GLIS3: variants seen among roughly 807,000 people sequenced by gnomAD.
GLIS3 encodes GLIS family zinc finger 3, also known as zinc finger protein GLIS3.
Under a neutral mutation model 78.6 loss-of-function variants are expected in GLIS3, and 53 were observed. That is an observed-to-expected ratio of 0.67 (90% CI 0.54 to 0.85). The LOEUF (loss-of-function observed/expected upper bound fraction) is 0.85. GLIS3 is among the 40% of genes least tolerant of loss of function. The pLI, the probability that GLIS3 is intolerant of heterozygous loss-of-function variation, is 0.00. For missense variants in GLIS3, 1,703 were observed against 1,231.1 expected (o/e 1.38, Z -5.74); for synonymous variants, 684 against 509.9 (o/e 1.34, Z -4.60).
chr9:4,034,094 TG>T (rs1436741961), intron 4 of GLIS3, among the ~76,000 whole-genome samples: 1 of 151,846 alleles, frequency 6.6e-6, no homozygotes, highest in Non-Finnish European at 1.5e-5. Context: ...CTGGGCATGG[TG>T]GTGCATGTCT....
chr9:4,274,548 T>A (rs536970773), intron 2 of GLIS3, among the ~76,000 whole-genome samples: 1 of 152,234 alleles, frequency 6.6e-6, no homozygotes, highest in East Asian at 1.9e-4. Flanking sequence ...GCAATGAATA[T>A]TGGGTGGAAG....
At chr9:4,180,316 C>A (rs1345339160) in intron 2 of GLIS3, among the ~76,000 whole-genome samples, 2 of 152,162 alleles carry the variant, frequency 1.3e-5, no homozygotes, top group Non-Finnish European at 2.9e-5. Flanking sequence ...ATTCTTCCAA[C>A]CCTGCTCACC....
chr9:4,462,282 A>G, the GLIS3 span, among the ~76,000 whole-genome samples: 4 of 152,196 alleles, frequency 2.6e-5, no homozygotes, highest in African/African-American at 9.7e-5. Context: ...GAAATTAGGA[A>G]TAAGTGTGTA....
intron 2 of GLIS3, among the ~76,000 whole-genome samples, chr9:4,201,070 A>G (rs1819346963): frequency 6.6e-6 from 1 of 152,214 alleles, no homozygotes; most frequent in Non-Finnish European, 1.5e-5. Context: ...CATAAACAGA[A>G]TTAAAAACAA....
intron 2 of GLIS3, among the ~76,000 whole-genome samples, chr9:4,201,159 A>G (rs969721111): frequency 1.3e-5 from 2 of 152,182 alleles, no homozygotes; most frequent in Admixed American, 1.3e-4. Context: ...AAACCTCAAG[A>G]AACTAGGCAT....
intron 9 of GLIS3, among the ~76,000 whole-genome samples, chr9:3,837,986 G>C (rs1470690768): frequency 6.6e-6 from 1 of 150,418 alleles, no homozygotes; most frequent in African/African-American, 2.5e-5. Context: ...GGGAGAGATT[G>C]TGTGTGGAGG....
chr9:4,047,823 CCTCT>C (rs1408787573), intron 4 of GLIS3, among the ~76,000 whole-genome samples: 1 of 152,146 alleles, frequency 6.6e-6, no homozygotes, highest in Admixed American at 6.5e-5. Flanking sequence ...ACATTCCTGA[CCTCT>C]CTGTCTGCTT....
At chr9:4,081,030 C>G (rs76316740) in intron 4 of GLIS3, among the ~76,000 whole-genome samples, 1,574 of 152,260 alleles carry the variant, frequency 0.01, 25 homozygotes, top group African/African-American at 0.034. Context: ...CCAGTCTTGC[C>G]TGGCTTGTCC....
intron 2 of GLIS3, among the ~76,000 whole-genome samples, chr9:4,244,550 G>C (rs1428053156): frequency 3.3e-5 from 5 of 152,118 alleles, no homozygotes; most frequent in African/African-American, 1.2e-4. Flanking sequence ...ATGTGAGGTA[G>C]ATATCTGTTA....
chr9:4,246,437 GAT>G (rs1013142353), intron 2 of GLIS3, among the ~76,000 whole-genome samples: 7 of 152,272 alleles, frequency 4.6e-5, no homozygotes, highest in Admixed American at 3.9e-4. Context: ...TTTAAGGTAA[GAT>G]ATTTTCACAA....
chr9:4,174,564 T>TAA (rs1816656358), intron 2 of GLIS3, among the ~76,000 whole-genome samples: 1 of 152,240 alleles, frequency 6.6e-6, no homozygotes, highest in Non-Finnish European at 1.5e-5. Context: ...CCTATATATA[T>TAA]AATCAATTAT....
At position 4,067,509 on chromosome 9, in the gene GLIS3, C is replaced by G. The variant is rs541089746; in HGVS notation, c.1710+50259G>C. On this transcript the variant is annotated intron_variant, in intron 4 of 10. Coordinates refer to ENST00000381971, the MANE Select transcript of GLIS3 (RefSeq NM_001042413.2). ...GCTGTAGGTCAAAAGAACACAACAG[C>G]CATGAAGAATCATTGTAAAAACATC... 3.9e-5 allele frequency among the ~76,000 whole-genome samples: 6 copies of G among 152,022 alleles called. No homozygotes were observed. The East Asian group carries it at 1.2e-3, about 29-fold the overall frequency.
intron 5 of GLIS3, among the ~76,000 whole-genome samples, chr9:3,933,812 T>C (rs1472224038): frequency 6.6e-6 from 1 of 152,272 alleles, no homozygotes; most frequent in Non-Finnish European, 1.5e-5. Context: ...ATTACATTAT[T>C]TGACCTGCTA....
upstream of GLIS3, among the ~76,000 whole-genome samples, chr9:4,301,141 C>A (rs1193001384): frequency 2.0e-5 from 3 of 151,654 alleles, no homozygotes; most frequent in African/African-American, 4.9e-5. Context: ...TGGTCTGTAT[C>A]CATGATATTA....
intron 2 of GLIS3, among the ~76,000 whole-genome samples, chr9:4,279,000 C>G (rs1199612040): frequency 1.3e-5 from 2 of 152,026 alleles, no homozygotes. Context: ...CTCACCTAAA[C>G]TCTTTAAAAA....
At chr9:4,254,993 T>C (rs546550670) in intron 2 of GLIS3, among the ~76,000 whole-genome samples, 12 of 151,210 alleles carry the variant, frequency 7.9e-5, no homozygotes, top group African/African-American at 2.9e-4. Flanking sequence ...ATCCAAAATA[T>C]ATAAGGAACT....
intron 2 of GLIS3, among the ~76,000 whole-genome samples, chr9:4,339,470 C>G (rs1817801712): frequency 6.6e-6 from 1 of 151,928 alleles, no homozygotes; most frequent in South Asian, 2.1e-4. Context: ...AACTGCCAAT[C>G]TGTTACATAA....
At chr9:4,264,156 T>C (rs997155788) in intron 2 of GLIS3, among the ~76,000 whole-genome samples, 10 of 152,194 alleles carry the variant, frequency 6.6e-5, no homozygotes, top group African/African-American at 1.2e-4. Flanking sequence ...GATTTCTCCA[T>C]CTCAGGAAAT....
the GLIS3 span, among the ~76,000 whole-genome samples, chr9:4,476,222 T>C: frequency 6.6e-6 from 1 of 152,196 alleles, no homozygotes; most frequent in Non-Finnish European, 1.5e-5. Flanking sequence ...GTATATCAAA[T>C]TGATGGAATA....
Sources: gnomAD v4.1 joint callset for allele counts (sites outside exome capture counted in the v4.1 genomes callset) on GRCh38, gnomAD v4.1.1 for gene constraint, MANE v1.5 for transcripts, NCBI Gene and HGNC (gene_info 2026-07-23, HGNC 2026-07-21) for gene names.